Variants in CUX1 observed in about 807,000 individuals in gnomAD.
CUX1 encodes the protein cut like homeobox 1.
CUX1 carries 31 observed loss-of-function variants against 158.8 expected under a neutral mutation model. The observed-to-expected ratio is 0.20, with a 90% CI of 0.15 to 0.26. The LOEUF (loss-of-function observed/expected upper bound fraction) is 0.26, where lower values mean the gene tolerates loss of function less well. Among genes scored for constraint, CUX1 ranks in the 10% least tolerant of loss-of-function variants. CUX1 has a pLI of 1.00. For missense variants in CUX1, 1,589 were observed against 2,014.6 expected (o/e 0.79, Z 4.04); for synonymous variants, 879 against 862.1 (o/e 1.02, Z -0.34).
chr7:102,186,534 CGTT>C (rs145869582), intron 11 of CUX1, among the ~76,000 whole-genome samples: 46 of 151,752 alleles, frequency 3.0e-4, no homozygotes, highest in African/African-American at 5.3e-4. Context: ...TAGGTGAATG[CGTT>C]GTTGTGCAAT....
intron 8 of CUX1, among the ~76,000 whole-genome samples, chr7:102,130,743 C>A (rs1183047554): frequency 1.3e-5 from 2 of 152,136 alleles, no homozygotes; most frequent in African/African-American, 4.8e-5. Flanking sequence ...CACAAAAGCA[C>A]AGCTTATTCT....
At chr7:102,097,267 C>G (rs1325879624) in intron 4 of CUX1, 97 bp from the exon 5 acceptor site, 3 of 1,432,902 alleles carry the variant, frequency 2.1e-6, no homozygotes, top group Admixed American at 2.5e-5. Flanking sequence ...GCCCCCGGAG[C>G]TGATGTCCCA....
chr7:102,097,538 T>A, intron 5 of CUX1, 37 bp downstream of exon 5: 1 of 1,500,210 alleles, frequency 6.7e-7, no homozygotes, highest in Non-Finnish European at 8.8e-7. Flanking sequence ...TTTCTTTTCT[T>A]CTTTTTTTTC....
At chr7:101,939,763 A>G (rs1807466538) in intron 2 of CUX1, among the ~76,000 whole-genome samples, 1 of 151,310 alleles carries the variant, frequency 6.6e-6, no homozygotes, top group South Asian at 2.1e-4. Context: ...GGAGTTTGAG[A>G]CCAGCTGGGG....
chr7:101,945,595 T>A (rs757524264), intron 2 of CUX1, among the ~76,000 whole-genome samples: 2 of 152,076 alleles, frequency 1.3e-5, no homozygotes, highest in Non-Finnish European at 2.9e-5. Flanking sequence ...GAGAGTTGAG[T>A]ACCCAGTGGG....
At chr7:102,168,986 G>A (rs1238257681) in intron 9 of CUX1, among the ~76,000 whole-genome samples, 2 of 143,540 alleles carry the variant, frequency 1.4e-5, no homozygotes, top group African/African-American at 5.3e-5. Flanking sequence ...AGGCTGGAGT[G>A]CAATGGCGTG....
chr7:102,157,880 T>G (rs1246907778), intron 8 of CUX1, among the ~76,000 whole-genome samples: 1 of 152,180 alleles, frequency 6.6e-6, no homozygotes, highest in East Asian at 1.9e-4. Flanking sequence ...GGAAGTACTT[T>G]CAAAACAGAA....
chr7:101,860,243 T>A (rs1320763636), intron 1 of CUX1, among the ~76,000 whole-genome samples: 1 of 152,038 alleles, frequency 6.6e-6, no homozygotes. Context: ...ACACATGAGG[T>A]GAGAATAATG....
chr7:102,258,324 C>A, downstream of CUX1: 2 of 393,434 alleles, frequency 5.1e-6, no homozygotes, highest in Non-Finnish European at 6.9e-6. Flanking sequence ...CCTCAAGAAT[C>A]GCCGTTCCCG....
chr7:102,129,540 T>C (rs1832996597), intron 8 of CUX1, among the ~76,000 whole-genome samples: 1 of 151,994 alleles, frequency 6.6e-6, no homozygotes, highest in Admixed American at 6.6e-5. Context: ...AAAAATTAGC[T>C]GGGCGTGGTA....
chr7:101,977,585 G>C (rs555500095), intron 2 of CUX1, among the ~76,000 whole-genome samples: 356 of 152,146 alleles, frequency 2.3e-3, no homozygotes, highest in Non-Finnish European at 3.9e-3. Flanking sequence ...GAGGCTGCAG[G>C]TTAGCTATGA....
intron 2 of CUX1, among the ~76,000 whole-genome samples, chr7:101,974,682 AG>A (rs2129200939): frequency 6.6e-6 from 1 of 152,282 alleles, no homozygotes; most frequent in Non-Finnish European, 1.5e-5. Context: ...GAGCGCAGCC[AG>A]GGGTGATATC....
intron 5 of CUX1, among the ~76,000 whole-genome samples, chr7:102,099,208 G>A (rs1015206490): frequency 6.6e-5 from 10 of 152,132 alleles, no homozygotes; most frequent in Non-Finnish European, 1.2e-4. Flanking sequence ...GGGGGCACGA[G>A]GTGACAGGCA....
chr7:102,210,054 AT>A lies in CUX1; in HGVS notation c.3130+4891del, dbSNP rs1343211379. ...AGACACTTTCCACCACACTCAGCTAATTTTTTTATTTTTTGTAGAAGTGGGT... is the reference window on the plus strand; with the variant it reads ...AGACACTTTCCACCACACTCAGCTAATTTTTTATTTTTTGTAGAAGTGGGT... On this transcript the variant is annotated intron_variant, in intron 20 of 23. Transcript: ENST00000292535. Among the ~76,000 whole-genome samples, 3 of 151,692 alleles carry A rather than the reference AT, an allele frequency of 2.0e-5. No homozygotes were observed. The South Asian group carries it at 6.3e-4, about 32-fold the overall frequency.
chr7:102,045,894 C>T (rs976141066), intron 3 of CUX1, among the ~76,000 whole-genome samples: 5 of 152,200 alleles, frequency 3.3e-5, no homozygotes, highest in East Asian at 1.9e-4. Context: ...GACCCAGCTG[C>T]GTACATGGCT....
At chr7:101,976,120 A>AGACC (rs1490607620) in intron 2 of CUX1, among the ~76,000 whole-genome samples, 1 of 152,256 alleles carries the variant, frequency 6.6e-6, no homozygotes, top group African/African-American at 2.4e-5. Flanking sequence ...GCACAGAGAG[A>AGACC]GACCCCATCT....
At chr7:101,906,030 G>A (rs948963976) in intron 1 of CUX1, among the ~76,000 whole-genome samples, 47 of 151,098 alleles carry the variant, frequency 3.1e-4, no homozygotes, top group Non-Finnish European at 4.3e-4. Flanking sequence ...GTTACTATGT[G>A]GCCCAAGCTG....
At position 102,270,576 on chromosome 7, in the gene CUX1, A is replaced by G. The variant is rs532358099; in HGVS notation, c.1256-2790A>G. 3.3e-5 allele frequency among the ~76,000 whole-genome samples: 5 copies of G among 152,204 alleles called. No individual in the cohort carries two copies. In the East Asian group the frequency reaches 9.6e-4, roughly 29 times the overall value. On this transcript the variant is annotated intron_variant, in intron 14 of 22. Transcript: ENST00000292538. ...CCCAGCCTGTTCTCTCTGCCTCACC[A>G]GCAGCCATCCCCCAATTCTGCTGCC...
intron 3 of CUX1, among the ~76,000 whole-genome samples, chr7:102,059,206 T>C (rs1383179482): frequency 6.6e-6 from 1 of 152,262 alleles, no homozygotes; most frequent in Non-Finnish European, 1.5e-5. Flanking sequence ...AGAATAGAGA[T>C]GCTTGTTGCT....
Sources: gnomAD v4.1 joint callset for allele counts (sites outside exome capture counted in the v4.1 genomes callset) on GRCh38, gnomAD v4.1.1 for gene constraint, MANE v1.5 for transcripts, NCBI Gene and HGNC (gene_info 2026-07-23, HGNC 2026-07-21) for gene names.